Variants in ZFPM2 observed in about 807,000 individuals in gnomAD.
ZFPM2 encodes zinc finger protein ZFPM2.
A neutral mutation model predicts 98.6 loss-of-function variants in ZFPM2; 20 were observed. The observed-to-expected ratio is 0.20, with a 90% CI of 0.14 to 0.29. The LOEUF is 0.29. ZFPM2 is among the 10% of genes least tolerant of loss of function. ZFPM2 has a pLI of 1.00. For missense variants in ZFPM2, 1,310 were observed against 1,388.6 expected, an observed-to-expected ratio of 0.94 and a Z score of 0.90; for synonymous variants, 518 against 502.7, an observed-to-expected ratio of 1.03 and a Z score of -0.41.
chr8:105,431,443 C>A (rs989338063), intron 2 of ZFPM2, among the ~76,000 whole-genome samples: 7 of 152,170 alleles, frequency 4.6e-5, no homozygotes. Context: ...TTATTGAACA[C>A]CTGCTATGTC....
At chr8:105,599,862 T>C (rs1215233955) in intron 4 of ZFPM2, among the ~76,000 whole-genome samples, 11 of 152,164 alleles carry the variant, frequency 7.2e-5, no homozygotes, top group African/African-American at 2.6e-4. Context: ...ATAAATAGTA[T>C]GAATGTGCAC....
chr8:105,639,131 G>T (rs900328632), intron 5 of ZFPM2, among the ~76,000 whole-genome samples: 1 of 152,026 alleles, frequency 6.6e-6, no homozygotes, highest in Non-Finnish European at 1.5e-5. Context: ...GCAAAGGCCT[G>T]CCCACTTACT....
chr8:105,688,333 A>T (rs1455408082), intron 5 of ZFPM2, among the ~76,000 whole-genome samples: 1 of 152,096 alleles, frequency 6.6e-6, no homozygotes, highest in East Asian at 1.9e-4. Flanking sequence ...AGAAAATAGT[A>T]AAAAATAAAA....
intron 1 of ZFPM2, among the ~76,000 whole-genome samples, chr8:105,408,935 G>A (rs1811521686): frequency 6.6e-6 from 1 of 151,872 alleles, no homozygotes; most frequent in Non-Finnish European, 1.5e-5. Context: ...TAACAATGAA[G>A]GCTGGCTATG....
chr8:105,598,798 C>T (rs921692404), intron 4 of ZFPM2, among the ~76,000 whole-genome samples: 3 of 151,994 alleles, frequency 2.0e-5, no homozygotes, highest in African/African-American at 7.2e-5. Flanking sequence ...GGAGGAAAAC[C>T]CTAGAGCCTT....
At chr8:105,607,959 A>AGAT (rs1185844466) in intron 4 of ZFPM2, among the ~76,000 whole-genome samples, 1 of 152,114 alleles carries the variant, frequency 6.6e-6, no homozygotes, top group African/African-American at 2.4e-5. Context: ...CATCAGTGAC[A>AGAT]GATCGGATAA....
intron 3 of ZFPM2, among the ~76,000 whole-genome samples, chr8:105,462,432 G>A (rs1029803418): frequency 6.6e-6 from 1 of 152,148 alleles, no homozygotes; most frequent in African/African-American, 2.4e-5. Context: ...AAGGCTGGAC[G>A]AGGGAGAGAC....
chr8:105,463,400 GTA>G (rs1216352122), intron 3 of ZFPM2, among the ~76,000 whole-genome samples: 3 of 151,874 alleles, frequency 2.0e-5, no homozygotes, highest in Admixed American at 6.6e-5. Context: ...TAGTGTGTGT[GTA>G]TGTGTGTGTG....
intron 3 of ZFPM2, among the ~76,000 whole-genome samples, chr8:105,468,528 A>G (rs1160017397): frequency 1.3e-5 from 2 of 152,080 alleles, no homozygotes; most frequent in Non-Finnish European, 2.9e-5. Context: ...GTAGTACTCA[A>G]TCTCAGCTCC....
At chr8:105,368,912 C>T (rs1810563431) in intron 1 of ZFPM2, among the ~76,000 whole-genome samples, 1 of 152,096 alleles carries the variant, frequency 6.6e-6, no homozygotes, top group South Asian at 2.1e-4. Flanking sequence ...GCAACTTTGA[C>T]CTAGGACCTT....
intron 3 of ZFPM2, among the ~76,000 whole-genome samples, chr8:105,453,526 A>G (rs1228800098): frequency 1.3e-5 from 2 of 152,214 alleles, no homozygotes; most frequent in African/African-American, 2.4e-5. Flanking sequence ...AGGGAAGAGT[A>G]CAATGAATTC....
intron 3 of ZFPM2, among the ~76,000 whole-genome samples, chr8:105,500,571 A>G (rs1176785858): frequency 1.3e-5 from 2 of 152,172 alleles, no homozygotes; most frequent in Admixed American, 6.5e-5. Context: ...ATTCCTGAAA[A>G]TAATAAAAAG....
chr8:105,354,885 C>G (rs1412672567), intron 1 of ZFPM2, among the ~76,000 whole-genome samples: 1 of 151,786 alleles, frequency 6.6e-6, no homozygotes, highest in Non-Finnish European at 1.5e-5. Flanking sequence ...ACCCGGGTGG[C>G]GGAGCTTGAA....
intron 5 of ZFPM2, among the ~76,000 whole-genome samples, chr8:105,749,690 TAAAAG>T (rs1563548004): frequency 1.3e-5 from 2 of 150,534 alleles, no homozygotes; most frequent in East Asian, 2.0e-4. Flanking sequence ...GAGAGTAAGA[TAAAAG>T]AAGAGAGGTC....
At chr8:105,372,249 A>G (rs1250214637) in intron 1 of ZFPM2, among the ~76,000 whole-genome samples, 2 of 151,788 alleles carry the variant, frequency 1.3e-5, no homozygotes, top group Non-Finnish European at 2.9e-5. Flanking sequence ...TCACCGTGTT[A>G]GCCAGGATGG....
At chr8:105,431,283 C>T (rs1812015285) in intron 2 of ZFPM2, among the ~76,000 whole-genome samples, 1 of 152,170 alleles carries the variant, frequency 6.6e-6, no homozygotes, top group African/African-American at 2.4e-5. Context: ...ATATGCCCAA[C>T]TCTAAATTAC....
At position 105,802,075 on chromosome 8, in the gene ZFPM2, G is replaced by A; in HGVS notation, c.1993G>A (p.Gly665Arg). Residue 665 changes from glycine to arginine, a missense_variant, in exon 8 of 8, where the codon GGA becomes AGA. Physicochemically the swap from Gly to Arg is moderately radical, Grantham distance 125. Transcript: ENST00000407775. Reference protein sequence around the residue: ...TSSNNDDKINGKPVDVKNPSV... With the variant: ...TSSNNDDKINRKPVDVKNPSV... ...CAGTAACAATGATGACAAAATTAAT[G>A]GAAAACCTGTTGATGTGAAAAATCC... 6.2e-7 allele frequency: 1 copy of A among 1,613,758 alleles called. No homozygotes were observed. Among genetic ancestry groups the A allele is most frequent in the Non-Finnish European group, 8.5e-7 (1 of 1,179,846 alleles).
intron 4 of ZFPM2, among the ~76,000 whole-genome samples, chr8:105,582,797 T>C (rs1815630986): frequency 6.6e-6 from 1 of 152,144 alleles, no homozygotes; most frequent in South Asian, 2.1e-4. Flanking sequence ...TTTTCCCATG[T>C]TGCCCCAATT....
chr8:105,732,755 G>C (rs1040987965), intron 5 of ZFPM2, among the ~76,000 whole-genome samples: 1 of 151,720 alleles, frequency 6.6e-6, no homozygotes, highest in African/African-American at 2.4e-5. Flanking sequence ...AGCAATGGGC[G>C]GTAAAGACAT....
Sources: allele counts gnomAD v4.1 joint callset (sites outside exome capture counted in the v4.1 genomes callset), GRCh38; gene constraint gnomAD v4.1.1; transcripts MANE v1.5; gene names NCBI Gene and HGNC (gene_info 2026-07-23, HGNC 2026-07-21).